The following BCAS3 variants were observed in gnomAD, a reference collection of about 807,000 sequenced individuals.
The protein encoded by BCAS3 is BCAS3 microtubule associated cell migration factor, also known as BCAS4/BCAS3 fusion.
BCAS3 carries 53 observed loss-of-function variants against 116.1 expected under a neutral mutation model. That is an observed-to-expected ratio of 0.46 (90% CI 0.37 to 0.57). The LOEUF (loss-of-function observed/expected upper bound fraction) is 0.57, where lower values mean the gene tolerates loss of function less well. BCAS3 is among the 20% of genes least tolerant of loss of function. The probability of loss-of-function intolerance (pLI) is 0.00; values close to 1 mark genes in which losing one functional copy is unlikely to be tolerated. For synonymous variants in BCAS3, 391 were observed against 408.2 expected (o/e 0.96, Z 0.51); for missense variants, 917 against 1,165.4 (o/e 0.79, Z 3.10).
intron 7 of BCAS3, among the ~76,000 whole-genome samples, chr17:60,834,101 TATA>T (rs984339050): frequency 6.6e-6 from 1 of 152,120 alleles, no homozygotes; most frequent in Admixed American, 6.6e-5. Flanking sequence ...AATTATGTAA[TATA>T]ATAACATTTA....
chr17:61,058,935 G>A (rs1488195588), intron 19 of BCAS3, among the ~76,000 whole-genome samples: 2 of 151,888 alleles, frequency 1.3e-5, no homozygotes, highest in South Asian at 4.1e-4. Flanking sequence ...TTGAGGTGAG[G>A]TGATTTTGCT....
At chr17:60,760,072 T>C (rs1398964418) in intron 6 of BCAS3, among the ~76,000 whole-genome samples, 2 of 152,238 alleles carry the variant, frequency 1.3e-5, no homozygotes, top group African/African-American at 4.8e-5. Flanking sequence ...TATGTATGTC[T>C]GTAGGCAAAG....
At chr17:60,735,706 T>C (rs2040886834) in intron 5 of BCAS3, among the ~76,000 whole-genome samples, 1 of 152,104 alleles carries the variant, frequency 6.6e-6, no homozygotes, top group South Asian at 2.1e-4. Flanking sequence ...CACTCACCTC[T>C]ACTTCCTAAA....
intron 6 of BCAS3, among the ~76,000 whole-genome samples, chr17:60,791,158 C>T (rs1002410025): frequency 6.6e-6 from 1 of 152,142 alleles, no homozygotes. Context: ...TGGGCTCAAA[C>T]CTCCGGTGTA....
At chr17:60,904,671 A>T (rs1161380905) in intron 11 of BCAS3, among the ~76,000 whole-genome samples, 2 of 152,152 alleles carry the variant, frequency 1.3e-5, no homozygotes, top group Non-Finnish European at 2.9e-5. Flanking sequence ...GTCTCTACAA[A>T]AAAATTTAAA....
In BCAS3 at chr17:61,203,373, G is replaced by A. The variant is rs2080950968; in HGVS notation, c.2425+118809G>A. The stretch of plus-strand genomic sequence containing the variant: ...GGGTTTCGCCATGTTGGTCAGGCTG[G>A]TTTCAAACTCCTGACCTTGTGATCT... On this transcript the variant is annotated intron_variant, in intron 22 of 23. Transcript: ENST00000407086. This position sits in a 1 kb window ranked among gnomAD's most constrained non-coding sequence, Gnocchi z 5.7. 6.6e-6 allele frequency among the ~76,000 whole-genome samples: 1 copy of A among 152,108 alleles called. No homozygotes were observed. The highest frequency in any genetic ancestry group is 2.4e-5 in the African/African-American group (1 of 41,422).
At chr17:60,838,579 A>G (rs889396204) in intron 7 of BCAS3, among the ~76,000 whole-genome samples, 1 of 152,072 alleles carries the variant, frequency 6.6e-6, no homozygotes, top group African/African-American at 2.4e-5. Context: ...TTTCTCCTGC[A>G]AGAAATATTT....
Position 61,219,065 on chromosome 17 carries a change from C to G in BCAS3, c.2425+134501C>G, listed in dbSNP as rs17597484. ...CTGTTTGCTGATAAAGGATGGCTCTCTAGAATTAGGATTCTGCGCTCCGTA... is the reference window on the plus strand; with the variant it reads ...CTGTTTGCTGATAAAGGATGGCTCTGTAGAATTAGGATTCTGCGCTCCGTA... On this transcript the variant is annotated intron_variant, in intron 22 of 23. Transcript: ENST00000407086. This position sits in a 1 kb window ranked among gnomAD's most constrained non-coding sequence, Gnocchi z 5.2. Among the ~76,000 whole-genome samples, 11,696 of 152,212 alleles carry G rather than the reference C, an allele frequency of 0.077. 614 individuals carry two copies. The highest frequency in any genetic ancestry group is 0.14 in the South Asian group (666 of 4,824).
rs7214440 is a variant in BCAS3, at chr17:60,993,212, C to T, written c.1486+2977C>T. 0.15 allele frequency among the ~76,000 whole-genome samples: 23,282 copies of T among 151,970 alleles called. 5,642 individuals are homozygous for T. Among genetic ancestry groups the T allele is most frequent in the African/African-American group, 0.52 (21,326 of 41,304 alleles). ...GATATTAAATGACTGTGAACAAATA[C>T]CTTTCAATATACTTTTGTTGAAGGT... On this transcript the variant is annotated intron_variant, in intron 15 of 23. Coordinates refer to ENST00000407086, the MANE Select transcript of BCAS3 (RefSeq NM_017679.5). The surrounding 1 kb of genome is among the most constrained non-coding windows in gnomAD (Gnocchi z 4.2).
chr17:61,259,935 A>T lies in BCAS3; in HGVS notation c.2426-108392A>T, dbSNP rs1004066008. ...ATAATAATACTAATAGCCACTATTTATTGAATTGCTGTGTGAGGTAGGCGT... is the reference window on the plus strand; with the variant it reads ...ATAATAATACTAATAGCCACTATTTTTTGAATTGCTGTGTGAGGTAGGCGT... On this transcript the variant is annotated intron_variant, in intron 22 of 23. Transcript: ENST00000407086. The surrounding 1 kb of genome is among the most constrained non-coding windows in gnomAD (Gnocchi z 4.7). Among the ~76,000 whole-genome samples, 2 of 152,186 alleles carry T rather than the reference A, an allele frequency of 1.3e-5. No individual in the cohort carries two copies. The highest frequency in any genetic ancestry group is 2.9e-5 in the Non-Finnish European group (2 of 68,024).
intron 9 of BCAS3, among the ~76,000 whole-genome samples, chr17:60,887,826 TA>T (rs1325638249): frequency 6.6e-6 from 1 of 152,208 alleles, no homozygotes; most frequent in East Asian, 1.9e-4. Flanking sequence ...GGATGCCATC[TA>T]AAATTGCATC....
intron 22 of BCAS3, among the ~76,000 whole-genome samples, chr17:61,231,280 T>C (rs1002746692): frequency 2.6e-5 from 4 of 152,180 alleles, no homozygotes; most frequent in Non-Finnish European, 5.9e-5. Context: ...TTAGTGTTTT[T>C]AATTTTTTGC....
chr17:60,685,930 C>G (rs933462507), intron 3 of BCAS3, among the ~76,000 whole-genome samples: 1 of 151,594 alleles, frequency 6.6e-6, no homozygotes, highest in South Asian at 2.1e-4. Context: ...AGTGCAGTGG[C>G]ATGATCTTGG....
intron 7 of BCAS3, among the ~76,000 whole-genome samples, chr17:60,826,215 G>A (rs889483660): frequency 1.3e-5 from 2 of 151,526 alleles, no homozygotes; most frequent in Admixed American, 6.6e-5. Flanking sequence ...ACAGAGTGTC[G>A]CTCTGTTGCC....
chr17:60,868,754 A>G (rs2054851655), intron 8 of BCAS3, 71 bp downstream of exon 8: 3 of 833,244 alleles, frequency 3.6e-6, no homozygotes, highest in African/African-American at 3.6e-5. Context: ...GAACTCTACC[A>G]GTTTCAATGA....
At chr17:61,306,241 C>A (rs549458773) in intron 22 of BCAS3, among the ~76,000 whole-genome samples, 2 of 152,188 alleles carry the variant, frequency 1.3e-5, no homozygotes, top group African/African-American at 4.8e-5. Flanking sequence ...TGAATCTCTG[C>A]ATCTGAGCTT....
At chr17:60,911,270 G>A (rs2058496581) in intron 12 of BCAS3, among the ~76,000 whole-genome samples, 1 of 151,248 alleles carries the variant, frequency 6.6e-6, no homozygotes, top group Non-Finnish European at 1.5e-5. Context: ...TTATAGGCAT[G>A]TGCCACCACA....
At chr17:60,742,785 C>T (rs977717804) in intron 5 of BCAS3, among the ~76,000 whole-genome samples, 3 of 151,774 alleles carry the variant, frequency 2.0e-5, no homozygotes, top group African/African-American at 7.3e-5. Context: ...AAAAACAACT[C>T]AGAGGTCCAT....
intron 7 of BCAS3, among the ~76,000 whole-genome samples, chr17:60,814,312 C>CGT (rs1555731540): frequency 2.2e-5 from 3 of 138,570 alleles, no homozygotes; most frequent in African/African-American, 9.0e-5. Flanking sequence ...TGTGTGCGCG[C>CGT]GTGCCCATTG....
Sources: gnomAD v4.1 joint callset for allele counts (sites outside exome capture counted in the v4.1 genomes callset) on GRCh38, gnomAD v4.1.1 for gene constraint, Gnocchi (gnomAD v3.1) non-coding constraint, MANE v1.5 for transcripts, NCBI Gene and HGNC (gene_info 2026-07-23, HGNC 2026-07-21) for gene names.